FLNB: variants seen among roughly 807,000 people sequenced by gnomAD.
The protein encoded by FLNB is filamin-B.
In FLNB, 111 loss-of-function variants were observed where a neutral mutation model predicts 250.6. The observed-to-expected ratio is 0.44, with a 90% CI of 0.38 to 0.52. The LOEUF is 0.52. FLNB is among the 20% of genes least tolerant of loss of function. The probability of loss-of-function intolerance (pLI) is 0.00; values close to 1 mark genes in which losing one functional copy is unlikely to be tolerated. For missense variants in FLNB, 2,869 were observed against 3,447.8 expected (o/e 0.83, Z 4.20); for synonymous variants, 1,302 against 1,372.1 (o/e 0.95, Z 1.13).
At chr3:58,122,977 A>T in intron 20 of FLNB, 116 bp from the exon 21 acceptor site, 1 of 949,276 alleles carries the variant, frequency 1.1e-6, no homozygotes, top group Non-Finnish European at 1.7e-6. Context: ...AAGCCCCAAG[A>T]GAAGGGCTGC....
intron 20 of FLNB, among the ~76,000 whole-genome samples, chr3:58,122,030 A>G (rs534740333): frequency 8.4e-4 from 127 of 151,882 alleles, no homozygotes; most frequent in African/African-American, 2.9e-3. Flanking sequence ...TTAGCTGGGC[A>G]TGGTGGCGGG....
intron 25 of FLNB, chr3:58,131,805 G>T: frequency 1.4e-6 from 1 of 693,252 alleles, no homozygotes; most frequent in Non-Finnish European, 2.5e-6. Flanking sequence ...ATGTGTTTGT[G>T]TGCATGTATG....
Position 58,148,646 on chromosome 3 carries a change from C to T in FLNB, c.5888-3C>T, listed in dbSNP as rs538716668. ...ACAAGCCCCAATCTGTGTTCTGGTC[C>T]AGGCATCTCCTTCATCCCCCGGGAA... On this transcript the variant is annotated splice_region_variant and splice_polypyrimidine_tract_variant and intron_variant, in intron 35 of 45. Transcript: ENST00000295956. 71 of 1,613,410 alleles carry T rather than the reference C, an allele frequency of 4.4e-5. No homozygotes were observed. The South Asian group carries it at 7.4e-4, about 17-fold the overall frequency.
rs2097366471 is a variant in FLNB at position 58,164,106 on chromosome 3, T to G, written c.7198+776T>G. On this transcript the variant is annotated intron_variant, in intron 43 of 45. Transcript: ENST00000295956. This position sits in a 1 kb window ranked among gnomAD's most constrained non-coding sequence, Gnocchi z 4.0. ...TTCATTAGACAAGCAGACACAGAGT[T>G]TTGCTTTTGTCTTACAGAAAGAATC... 6.6e-6 allele frequency: 1 copy of G among 152,300 alleles called. No homozygotes were observed. Among genetic ancestry groups the G allele is most frequent in the Non-Finnish European group, 1.5e-5 (1 of 68,122 alleles). 9.4% of individuals were successfully genotyped at this position (152,300 alleles called of 1,614,324 possible).
In FLNB at chr3:58,168,677, C is replaced by A; in HGVS notation, c.7417+19C>A. On this transcript the variant is annotated intron_variant, in intron 44 of 45. Transcript: ENST00000295956. ...GTGACAGGTAACGAACAACCACCTT[C>A]GGAGTTACTCTCCCTTCCTGGGGAG... 6.5e-7 allele frequency: 1 copy of A among 1,550,314 alleles called. No individual in the cohort carries two copies. The highest frequency in any genetic ancestry group is 8.9e-7 in the Non-Finnish European group (1 of 1,123,116).
intron 1 of FLNB, among the ~76,000 whole-genome samples, chr3:58,024,325 C>T (rs1015730836): frequency 2.0e-5 from 3 of 152,132 alleles, no homozygotes; most frequent in Admixed American, 6.5e-5. Context: ...CTGGCGTTAT[C>T]GAAGATAAAA....
rs1391707893 is a variant in FLNB, at chr3:58,171,342, C to G, written c.*580C>G. On this transcript the variant is annotated 3_prime_UTR_variant, in exon 46 of 46. Coordinates refer to ENST00000295956, the MANE Select transcript of FLNB (RefSeq NM_001457.4). The surrounding 1 kb of genome is among the most constrained non-coding windows in gnomAD (Gnocchi z 5.5). ...CACTTCTCAGAGGGCAGAGTGGCAG[C>G]CGGGCACCCTACAGAAACTCAGAGG... 6.4e-6 allele frequency: 1 copy of G among 155,620 alleles called. No homozygotes were observed. Among genetic ancestry groups the G allele is most frequent in the Non-Finnish European group, 1.4e-5 (1 of 70,446 alleles). 9.6% of individuals were successfully genotyped at this position (155,620 alleles called of 1,614,324 possible).
At chr3:58,138,598 C>A in intron 29 of FLNB, 69 bp downstream of exon 29, 1 of 1,592,356 alleles carries the variant, frequency 6.3e-7, no homozygotes, top group South Asian at 1.1e-5. Context: ...GTTTGTTGAA[C>A]CCTGACTAGG....
chr3:58,122,038 G>A (rs1266026175), intron 20 of FLNB, among the ~76,000 whole-genome samples: 1 of 151,656 alleles, frequency 6.6e-6, no homozygotes, highest in African/African-American at 2.4e-5. Flanking sequence ...GCATGGTGGC[G>A]GGCACCTGTA....
chr3:58,048,521 A>G (rs957068610), intron 1 of FLNB, among the ~76,000 whole-genome samples: 5 of 152,180 alleles, frequency 3.3e-5, no homozygotes, highest in Admixed American at 6.5e-5. Flanking sequence ...GGTACTTCCC[A>G]CTGCCTCACA....
intron 4 of FLNB, 93 bp from the exon 5 acceptor site, chr3:58,094,743 C>T (rs1464861262): frequency 1.5e-5 from 16 of 1,049,220 alleles, no homozygotes; most frequent in Non-Finnish European, 2.3e-5. Flanking sequence ...GGGCTGGGTC[C>T]CATCTCTCAG....
In FLNB at chr3:58,168,537, G is replaced by A; in HGVS notation, c.7296G>A (p.Gln2432=). The change falls in exon 44 of 46, where the codon CAG becomes CAA. Residue 2432 remains glutamine, a synonymous_variant. Transcript: ENST00000295956. ...CATCCAAGGTTAAAATGGATTGCCA[G>A]GAAACACCTGAAGGGTACAAAGTCA... ...EGPSKVKMDC[Q]ETPEGYKVMY... is the part of the protein sequence containing the mutation. 6.2e-7 allele frequency: 1 copy of A among 1,614,204 alleles called. No homozygotes were observed. Among genetic ancestry groups the A allele is most frequent in the Non-Finnish European group, 8.5e-7 (1 of 1,180,008 alleles).
chr3:58,106,758 G>T lies in FLNB; in HGVS notation c.1826G>T (p.Trp609Leu), dbSNP rs1462618450. The T allele has an allele frequency of 6.2e-7, 1 of 1,614,136 alleles. No homozygotes were observed. The highest frequency in any genetic ancestry group is 1.7e-5 in the Admixed American group (1 of 60,016). Residue 609 changes from tryptophan (W) to leucine (L), a missense_variant, in exon 12 of 46, where the codon TGG becomes TTG. Around this residue, in one of 5 missense-constraint regions of FLNB, gnomAD observed 1,348 missense variants for 1,466.7 expected, o/e 0.92. Transcript: ENST00000295956. ...GATGGATCGTGTGATGTCAAATACT[G>T]GCCCAAGGAGCCTGGCGAATATGCT... ...QNDGSCDVKY[W>L]PKEPGEYAVH...
chr3:58,054,845 A>G (rs1389776835), intron 1 of FLNB, among the ~76,000 whole-genome samples: 1 of 152,150 alleles, frequency 6.6e-6, no homozygotes, highest in Non-Finnish European at 1.5e-5. Flanking sequence ...TCCTCTGCCT[A>G]TTTTTATAAA....
Position 58,148,585 on chromosome 3 carries a change from T to C in FLNB, c.5888-64T>C, listed in dbSNP as rs2097339765. ...GAGGACATATTTCTATTTCTGAGAGTGTGTCTCTCTCCTGCTTCCTCTCCG... is the reference window on the plus strand; with the variant it reads ...GAGGACATATTTCTATTTCTGAGAGCGTGTCTCTCTCCTGCTTCCTCTCCG... On this transcript the variant is annotated intron_variant, in intron 35 of 45. Coordinates refer to ENST00000295956, the MANE Select transcript of FLNB (RefSeq NM_001457.4). 3 of 1,394,294 alleles carry C rather than the reference T, an allele frequency of 2.2e-6. No individual in the cohort carries two copies. The East Asian group carries it at 6.8e-5, about 32-fold the overall frequency. The allele number at this position is 1,394,294 out of a possible 1,614,324, so 86.4% of individuals were successfully genotyped here. A position where few individuals can be genotyped will look rare whatever the true frequency, so the allele number is the denominator to read the frequency against.
At chr3:58,099,925 A>G (rs1190211389) in intron 8 of FLNB, among the ~76,000 whole-genome samples, 1 of 152,156 alleles carries the variant, frequency 6.6e-6, no homozygotes, top group Non-Finnish European at 1.5e-5. Flanking sequence ...ATGGTGAAGG[A>G]GCTGGTGGTG....
Position 58,098,807 on chromosome 3 carries a change from G to T in FLNB, c.1244G>T (p.Arg415Leu). The T allele has an allele frequency of 6.2e-7, 1 of 1,614,140 alleles. No individual in the cohort carries two copies. Among genetic ancestry groups the T allele is most frequent in the Non-Finnish European group, 8.5e-7 (1 of 1,180,002 alleles). Residue 415 changes from arginine (R) to leucine (L), a missense_variant, in exon 8 of 46, where the codon CGA (arginine) becomes CTA (leucine). Coordinates refer to ENST00000295956, the MANE Select transcript of FLNB (RefSeq NM_001457.4). ...LVEDKGNQVY[R>L]CVYKPMQPGP... ...GAAGACAAAGGAAACCAGGTGTATC[G>T]ATGTGTGTACAAACCCATGCAGCCT...
chr3:58,088,272 T>C (rs1405990544), intron 4 of FLNB, among the ~76,000 whole-genome samples: 1 of 152,074 alleles, frequency 6.6e-6, no homozygotes, highest in Non-Finnish European at 1.5e-5. Context: ...GGTCTCGAAC[T>C]CCTGACCTCA....
chr3:58,102,490 C>T (rs747054832), intron 9 of FLNB, 150 bp downstream of exon 9: 113 of 923,670 alleles, frequency 1.2e-4, no homozygotes, highest in South Asian at 4.5e-4. Flanking sequence ...TTGGGGAAGA[C>T]GGCAGTGATT....
Sources: allele counts gnomAD v4.1 joint callset (sites outside exome capture counted in the v4.1 genomes callset), GRCh38; gene constraint gnomAD v4.1.1; regional missense constraint gnomAD v4.1.1; non-coding constraint Gnocchi (gnomAD v3.1); transcripts MANE v1.5; gene names NCBI Gene and HGNC (gene_info 2026-07-23, HGNC 2026-07-21).